Variants in ADA observed in about 807,000 individuals in gnomAD.
ADA encodes the protein adenosine aminohydrolase.
A neutral mutation model predicts 49.0 loss-of-function variants in ADA; 45 were observed. The ratio of observed to expected loss-of-function variants is 0.92; its 90% CI spans 0.72 to 1.18. The LOEUF (loss-of-function observed/expected upper bound fraction) is 1.18. ADA is among the 50% of genes most tolerant of loss of function. The pLI is 0.00. For synonymous variants in ADA, 173 were observed against 184.2 expected, an observed-to-expected ratio of 0.94 and a Z score of 0.49; for missense variants, 445 against 472.5, an observed-to-expected ratio of 0.94 and a Z score of 0.54.
At chr20:44,636,199 G>A (rs755078746) in intron 2 of ADA, 28 bp downstream of exon 2, 3 of 1,593,118 alleles carry the variant, frequency 1.9e-6, no homozygotes, top group Non-Finnish European at 8.6e-7. Context: ...AAATCCCAGG[G>A]AGAGAGGGCT....
At position 44,622,661 on chromosome 20, in the gene ADA, G is replaced by A. The variant is rs769511813; in HGVS notation, c.781-9C>T. The A allele has an allele frequency of 7.4e-6, 12 of 1,614,116 alleles. No individual in the cohort carries two copies. Among genetic ancestry groups the A allele is most frequent in the Non-Finnish European group, 1.0e-5 (12 of 1,180,050 alleles). On this transcript the variant is annotated splice_polypyrimidine_tract_variant and intron_variant, in intron 8 of 11. Transcript: ENST00000372874. Reference sequence around the variant, plus strand: ...CTGGACCAGGGGCAGATCTGGAAGAGCAGGTGTGTGGCTGGCAGGGATGGC... The same window carrying A: ...CTGGACCAGGGGCAGATCTGGAAGAACAGGTGTGTGGCTGGCAGGGATGGC...
At position 44,622,918 on chromosome 20, in the gene ADA, G is replaced by A. The variant is rs772279816; in HGVS notation, c.691C>T (p.Leu231Phe). 4.3e-6 allele frequency: 7 copies of A among 1,614,248 alleles called. No homozygotes were observed. The highest frequency in any genetic ancestry group is 4.2e-6 in the Non-Finnish European group (5 of 1,180,044). ...CCGTGTCCCAGCCGCTCTGTCTTGA[G>A]TATGTCCACAGCCTGTAGAGAAGCA... Reference protein sequence around the residue: ...AEVVKEAVDILKTERLGHGYH... With the variant: ...AEVVKEAVDIFKTERLGHGYH... Residue 231 changes from leucine (L) to phenylalanine (F), a missense_variant, in exon 8 of 12, where the codon CTC becomes TTC. By Grantham distance (22) the Leu-to-Phe change is conservative (BLOSUM62 0). Coordinates refer to ENST00000372874, the MANE Select transcript of ADA (RefSeq NM_000022.4).
At chr20:44,642,208 G>T (rs2065542445) in intron 1 of ADA, among the ~76,000 whole-genome samples, 1 of 152,170 alleles carries the variant, frequency 6.6e-6, no homozygotes, top group Admixed American at 6.5e-5. Flanking sequence ...AACCTCACTG[G>T]AGGCCCTGGA....
Position 44,629,178 on chromosome 20 carries a change from A to G in ADA, c.96-9T>C, listed in dbSNP as rs2065410367. On this transcript the variant is annotated splice_polypyrimidine_tract_variant and intron_variant, in intron 2 of 11. Coordinates refer to ENST00000372874, the MANE Select transcript of ADA (RefSeq NM_000022.4). ...GGGCGATCCCTCTCCTCCTGGAAAC[A>G]AAACAGTGAGTGGTGGACCAACCCG... 1 of 1,614,196 alleles carries G rather than the reference A, an allele frequency of 6.2e-7. No homozygotes were observed. The highest frequency in any genetic ancestry group is 1.3e-5 in the African/African-American group (1 of 75,066).
At chr20:44,651,694 GCCAGCGGTGGCCGCGGCCGGCCAC>G in exon 1 of ADA, 1 of 1,367,644 alleles carries the variant, frequency 7.3e-7, no homozygotes, top group East Asian at 3.2e-5. Context: ...TTTCCCTGGG[GCCAGCGGTGGCCGCGGCCGGCCAC>G]GCTCTTCTTA....
chr20:44,619,584 A>C lies in ADA; in HGVS notation c.*250T>G. 2 of 510,350 alleles carry C rather than the reference A, an allele frequency of 3.9e-6. No individual in the cohort carries two copies. Among genetic ancestry groups the C allele is most frequent in the East Asian group, 7.1e-5 (2 of 28,170 alleles). The allele number at this position is 510,350 out of a possible 1,614,324, so 31.6% of individuals were successfully genotyped here. A position where few individuals can be genotyped will look rare whatever the true frequency, so the allele number is the denominator to read the frequency against. ...AGATTTTCAGTACAAGTTGCCACAG[A>C]AGGAGGGTTTCAGATTCAACCATGC... On this transcript the variant is annotated 3_prime_UTR_variant, in exon 12 of 12. Transcript: ENST00000372874.
At chr20:44,622,288 T>C (rs1038654461) in intron 9 of ADA, among the ~76,000 whole-genome samples, 21 of 151,812 alleles carry the variant, frequency 1.4e-4, no homozygotes, top group Admixed American at 1.4e-3. Context: ...GGGGGCAGAG[T>C]TGGGAGAATT....
At chr20:44,635,709 GC>G (rs2065473422) in intron 2 of ADA, among the ~76,000 whole-genome samples, 1 of 152,078 alleles carries the variant, frequency 6.6e-6, no homozygotes, top group South Asian at 2.1e-4. Flanking sequence ...GACCAGCCTG[GC>G]CAACATGTGA....
intron 2 of ADA, 101 bp from the exon 3 acceptor site, chr20:44,629,270 G>A: frequency 1.3e-6 from 2 of 1,545,954 alleles, no homozygotes; most frequent in Non-Finnish European, 1.8e-6. Flanking sequence ...CCTCCTTGCA[G>A]GACCACAGCA....
chr20:44,619,831 T>G lies in ADA; in HGVS notation c.*3A>C, dbSNP rs916072386. The G allele has an allele frequency of 1.9e-6, 3 of 1,614,012 alleles. No homozygotes were observed. In the African/African-American group the frequency reaches 4.0e-5, roughly 22 times the overall value. On this transcript the variant is annotated 3_prime_UTR_variant, in exon 12 of 12. Transcript: ENST00000372874. ...AGGGTGAAGGCTTGGAGGAGTGGCG[T>G]CTTCAGAGGTTCTGCCCTGCTCGTT...
intron 1 of ADA, among the ~76,000 whole-genome samples, chr20:44,638,927 G>A (rs1464403662): frequency 6.6e-6 from 1 of 152,180 alleles, no homozygotes; most frequent in South Asian, 2.1e-4. Flanking sequence ...CAGGCAGAAG[G>A]AACAGCATGT....
At position 44,621,162 on chromosome 20, in the gene ADA, G is replaced by T; in HGVS notation, c.846-15C>A. 1 of 1,614,138 alleles carries T rather than the reference G, an allele frequency of 6.2e-7. No homozygotes were observed. The highest frequency in any genetic ancestry group is 1.1e-5 in the South Asian group (1 of 91,082). On this transcript the variant is annotated splice_polypyrimidine_tract_variant and intron_variant, in intron 9 of 11. Transcript: ENST00000372874. ...CATTTTTGAGCCTGCAGAAGAGGGAGGAGGAGAGAATCAGCCTCCTTTTAC... is the reference window on the plus strand; with the variant it reads ...CATTTTTGAGCCTGCAGAAGAGGGATGAGGAGAGAATCAGCCTCCTTTTAC...
In ADA at chr20:44,619,847, C is replaced by G; in HGVS notation, c.1079G>C (p.Gly360Ala). 6.2e-7 allele frequency: 1 copy of G among 1,614,114 alleles called. No homozygotes were observed. Among genetic ancestry groups the G allele is most frequent in the Non-Finnish European group, 8.5e-7 (1 of 1,180,020 alleles). The change falls in exon 12 of 12, where the codon GGG becomes GCG. Residue 360 changes from glycine (G) to alanine (A), a missense_variant and splice_region_variant. Physicochemically the swap from Gly to Ala is moderately conservative, Grantham distance 60. Coordinates refer to ENST00000372874, the MANE Select transcript of ADA (RefSeq NM_000022.4). ...AYGMPPSASA[G>A]QNL ...GGAGTGGCGTCTTCAGAGGTTCTGC[C>G]CTGCTCGTTGGTTCAGAGAAGCAAA...
chr20:44,623,751 CT>C (rs34833873), intron 6 of ADA, among the ~76,000 whole-genome samples: 433 of 132,786 alleles, frequency 3.3e-3, no homozygotes, highest in Middle Eastern at 0.019. Context: ...TTCTTTCTTC[CT>C]TTTTTTTTTT....
chr20:44,620,448 A>C (rs780472542), intron 10 of ADA, 47 bp from the exon 11 acceptor site: 2 of 1,512,722 alleles, frequency 1.3e-6, no homozygotes, highest in African/African-American at 1.4e-5. Flanking sequence ...AGAACAAAGA[A>C]GGCAGCTCTT....
intron 3 of ADA, among the ~76,000 whole-genome samples, chr20:44,628,051 G>A (rs1011653452): frequency 2.6e-5 from 4 of 152,158 alleles, no homozygotes; most frequent in South Asian, 2.1e-4. Flanking sequence ...ATCACGTAAC[G>A]GTGGACTGTG....
chr20:44,622,061 T>C (rs2065337114), intron 9 of ADA, among the ~76,000 whole-genome samples: 1 of 152,188 alleles, frequency 6.6e-6, no homozygotes, highest in Admixed American at 6.5e-5. Flanking sequence ...GGCTTTTTCC[T>C]AAGGCCTGAT....
chr20:44,642,268 T>TG, intron 1 of ADA, among the ~76,000 whole-genome samples: 1 of 152,294 alleles, frequency 6.6e-6, no homozygotes, highest in East Asian at 1.9e-4. Context: ...CCCTCAGACC[T>TG]GGGGGCTGTT....
rs1308151960 is a variant in ADA at position 44,620,398 on chromosome 20, T to C, written c.979A>G (p.Ile327Val). The C allele has an allele frequency of 1.2e-6, 2 of 1,613,988 alleles. No individual in the cohort carries two copies. The highest frequency in any genetic ancestry group is 1.7e-6 in the Non-Finnish European group (2 of 1,179,942). ...FTEEEFKRLN[I>V]NAAKSSFLPE... is the part of the protein sequence containing the mutation. The stretch of plus-strand genomic sequence containing the variant: ...AGGAAACTAGATTTGGCCGCATTGA[T>C]GTTCTGGAAAGGCCAGAATGGCAGA... The change falls in exon 11 of 12, where the codon ATC becomes GTC. Residue 327 changes from isoleucine (I) to valine (V), a missense_variant. Ile to Val is a conservative substitution (Grantham distance 29). Coordinates refer to ENST00000372874, the MANE Select transcript of ADA (RefSeq NM_000022.4).
Sources: allele counts gnomAD v4.1 joint callset (sites outside exome capture counted in the v4.1 genomes callset), GRCh38; gene constraint gnomAD v4.1.1; transcripts MANE v1.5; gene names NCBI Gene and HGNC (gene_info 2026-07-23, HGNC 2026-07-21).